Variants in MYO5A observed in about 807,000 individuals in gnomAD.
MYO5A encodes myosin VA, also known as unconventional myosin-Va.
MYO5A carries 98 observed loss-of-function variants against 249.7 expected under a neutral mutation model. The ratio of observed to expected loss-of-function variants is 0.39; its 90% confidence interval spans 0.33 to 0.46. The LOEUF (loss-of-function observed/expected upper bound fraction) is 0.46, where lower values mean the gene tolerates loss of function less well. Among genes scored for constraint, MYO5A ranks in the 20% least tolerant of loss-of-function variants. MYO5A has a pLI of 0.98. For synonymous variants in MYO5A, 778 were observed against 810.6 expected (o/e 0.96, Z 0.68); for missense variants, 1,696 against 2,308.8 (o/e 0.73, Z 5.44).
intron 16 of MYO5A, among the ~76,000 whole-genome samples, chr15:52,381,887 T>G (rs1291986244): frequency 6.6e-6 from 1 of 152,032 alleles, no homozygotes; most frequent in Non-Finnish European, 1.5e-5. Flanking sequence ...CTGGGTATGA[T>G]GGATGCTTTT....
chr15:52,309,160 C>A lies in MYO5A; in HGVS notation c.*4536G>T, dbSNP rs565618864. 8 of 152,394 alleles carry A rather than the reference C, an allele frequency of 5.2e-5. No individual in the cohort carries two copies. The highest frequency in any genetic ancestry group is 1.9e-4 in the African/African-American group (8 of 41,566). The allele number at this position is 152,394 out of a possible 1,614,324, so 9.4% of individuals were successfully genotyped here. A position where few individuals can be genotyped will look rare whatever the true frequency, so the allele number is the denominator to read the frequency against. ...ACTCTGATGGGTGTGGGGAGAGTAA[C>A]TTTCCTCTTAATTTCAGAGAGGCTT... On this transcript the variant is annotated 3_prime_UTR_variant, in exon 42 of 42. Coordinates refer to ENST00000399233, the MANE Select transcript of MYO5A (RefSeq NM_001382347.1).
At chr15:52,498,968 A>G (rs1350872103) in intron 1 of MYO5A, among the ~76,000 whole-genome samples, 2 of 152,212 alleles carry the variant, frequency 1.3e-5, no homozygotes, top group Non-Finnish European at 2.9e-5. Flanking sequence ...GAATTCCATA[A>G]AGCATATCAA....
intron 1 of MYO5A, among the ~76,000 whole-genome samples, chr15:52,441,504 T>C (rs1465700971): frequency 6.6e-6 from 1 of 152,244 alleles, no homozygotes; most frequent in Admixed American, 6.5e-5. Flanking sequence ...TTGCCACTTC[T>C]ATTCTCCAGT....
chr15:52,491,929 G>T (rs2076943431), intron 1 of MYO5A, among the ~76,000 whole-genome samples: 1 of 152,162 alleles, frequency 6.6e-6, no homozygotes, highest in Admixed American at 6.5e-5. Flanking sequence ...AAGAAAAAGA[G>T]ATAGAGTACG....
intron 1 of MYO5A, chr15:52,505,692 C>T: frequency 7.8e-7 from 1 of 1,277,138 alleles, no homozygotes; most frequent in South Asian, 1.2e-5. Context: ...AAGCAGACGT[C>T]TTAGTCTGGG....
intron 25 of MYO5A, among the ~76,000 whole-genome samples, chr15:52,358,977 AT>A (rs1337444761): frequency 6.6e-6 from 1 of 152,212 alleles, no homozygotes; most frequent in Non-Finnish European, 1.5e-5. Flanking sequence ...GTAGAATATA[AT>A]GGCTTAAGAA....
intron 3 of MYO5A, among the ~76,000 whole-genome samples, chr15:52,427,597 A>G (rs2075424612): frequency 6.6e-6 from 1 of 152,158 alleles, no homozygotes; most frequent in Admixed American, 6.5e-5. Context: ...GATATAAAGG[A>G]TGTTAATTAT....
chr15:52,449,209 T>A lies in MYO5A; in HGVS notation c.28-15924A>T, dbSNP rs1429990823. Among the ~76,000 whole-genome samples the A allele has an allele frequency of 2.6e-5, 4 of 152,104 alleles. 1 individual carries two copies. Among genetic ancestry groups the A allele is most frequent in the Non-Finnish European group, 5.9e-5 (4 of 68,008 alleles). ...GTCTTGAACTCCTGACTTCAAGTGATCCACCCACCTCAGCCTCCCAAAGTG... is the reference window on the plus strand; with the variant it reads ...GTCTTGAACTCCTGACTTCAAGTGAACCACCCACCTCAGCCTCCCAAAGTG... On this transcript the variant is annotated intron_variant, in intron 1 of 41. Coordinates refer to ENST00000399233, the MANE Select transcript of MYO5A (RefSeq NM_001382347.1).
intron 1 of MYO5A, among the ~76,000 whole-genome samples, chr15:52,515,695 G>T (rs1010790020): frequency 1.3e-5 from 2 of 152,150 alleles, no homozygotes; most frequent in African/African-American, 4.8e-5. Context: ...GGGTTTGGGG[G>T]GCTTGTGAAG....
Position 52,325,058 on chromosome 15 carries a change from T to C in MYO5A, c.4711-1614A>G, listed in dbSNP as rs148129515. Among the ~76,000 whole-genome samples the C allele has an allele frequency of 4.6e-4, 70 of 152,300 alleles. 1 individual carries two copies. In the East Asian group the frequency reaches 6.9e-3, roughly 15 times the overall value. On this transcript the variant is annotated intron_variant, in intron 36 of 41. Coordinates refer to ENST00000399233, the MANE Select transcript of MYO5A (RefSeq NM_001382347.1). ...AGAAAATCATCCTATAGCTTAAGTG[T>C]AGATTTGACTAAAAATAACTCTGCC...
At chr15:52,322,746 G>A (rs1311048915) in intron 37 of MYO5A, among the ~76,000 whole-genome samples, 3 of 149,804 alleles carry the variant, frequency 2.0e-5, no homozygotes, top group Non-Finnish European at 4.4e-5. Flanking sequence ...CAAATCGAAA[G>A]ACATGATTTT....
intron 9 of MYO5A, among the ~76,000 whole-genome samples, chr15:52,405,005 T>C (rs534304436): frequency 6.6e-6 from 1 of 151,116 alleles, no homozygotes; most frequent in South Asian, 2.1e-4. Context: ...TGCGTTATAG[T>C]CACTAATCTC....
chr15:52,387,935 CCTT>C (rs1555440461), intron 13 of MYO5A, 23 bp from the exon 14 acceptor site: 1 of 1,527,596 alleles, frequency 6.5e-7, no homozygotes, highest in Non-Finnish European at 9.1e-7. Flanking sequence ...GGAAAAATCT[CCTT>C]AACTGATAAA....
At position 52,428,583 on chromosome 15, in the gene MYO5A, A is replaced by T; in HGVS notation, c.139-14T>A. On this transcript the variant is annotated splice_polypyrimidine_tract_variant and intron_variant, in intron 2 of 41. Transcript: ENST00000399233. Reference sequence around the variant, plus strand: ...GTATTCCAAATCCTGAAAATGCACAAGGCACAGCATCTGGATGAATTATGG... The same window carrying T: ...GTATTCCAAATCCTGAAAATGCACATGGCACAGCATCTGGATGAATTATGG... 6.2e-7 allele frequency: 1 copy of T among 1,613,968 alleles called. No homozygotes were observed. The highest frequency in any genetic ancestry group is 8.5e-7 in the Non-Finnish European group (1 of 1,179,824).
rs191179338 is a variant in MYO5A, at chr15:52,438,756, C to T, written c.28-5471G>A. On this transcript the variant is annotated intron_variant, in intron 1 of 41. Transcript: ENST00000399233. ...CCGGCAACGGCTACCCTCTTTGGGT[C>T]CCCTCCCTTTGTATGGGAGCTCTGT... Among the ~76,000 whole-genome samples, 925 of 152,378 alleles carry T rather than the reference C, an allele frequency of 6.1e-3. 15 individuals are homozygous for T. The highest frequency in any genetic ancestry group is 0.021 in the African/African-American group (888 of 41,602).
intron 1 of MYO5A, among the ~76,000 whole-genome samples, chr15:52,454,808 G>T (rs1466047395): frequency 6.6e-6 from 1 of 151,778 alleles, no homozygotes; most frequent in Non-Finnish European, 1.5e-5. Flanking sequence ...AAAATCTATG[G>T]GATACAGCAA....
In MYO5A at chr15:52,528,879, C is replaced by A. The variant is rs2077774417; in HGVS notation, c.-73G>T. Reference sequence around the variant, plus strand: ...TCGCCTGGGCGGCCGCCCGAGCGGACTAGGAAGCGCCCGCAGCCGCCGGCA... The same window carrying A: ...TCGCCTGGGCGGCCGCCCGAGCGGAATAGGAAGCGCCCGCAGCCGCCGGCA... On this transcript the variant is annotated 5_prime_UTR_variant, in exon 1 of 42. Coordinates refer to ENST00000399233, the MANE Select transcript of MYO5A (RefSeq NM_001382347.1). 2.2e-6 allele frequency: 3 copies of A among 1,345,066 alleles called. No individual in the cohort carries two copies. The highest frequency in any genetic ancestry group is 3.7e-5 in the Admixed American group (1 of 26,910). The allele number at this position is 1,345,066 out of a possible 1,614,324, so 83.3% of individuals were successfully genotyped here. A position where few individuals can be genotyped will look rare whatever the true frequency, so the allele number is the denominator to read the frequency against.
At chr15:52,496,175 G>C (rs2077034784) in intron 1 of MYO5A, among the ~76,000 whole-genome samples, 1 of 152,128 alleles carries the variant, frequency 6.6e-6, no homozygotes. Context: ...AAGATTATAA[G>C]GATATAGGTC....
intron 1 of MYO5A, among the ~76,000 whole-genome samples, chr15:52,523,090 T>C (rs2077655945): frequency 6.6e-6 from 1 of 152,218 alleles, no homozygotes; most frequent in Non-Finnish European, 1.5e-5. Context: ...GAAACAGGAA[T>C]TAATTTTCAG....
Sources: allele counts gnomAD v4.1 joint callset (sites outside exome capture counted in the v4.1 genomes callset), GRCh38; gene constraint gnomAD v4.1.1; transcripts MANE v1.5; gene names NCBI Gene and HGNC (gene_info 2026-07-23, HGNC 2026-07-21).